The following GNAZ variants were observed in gnomAD, a reference collection of about 807,000 sequenced individuals.
GNAZ encodes the protein G protein subunit alpha z, also known as guanine nucleotide-binding protein G(z) subunit alpha.
A neutral mutation model predicts 25.4 loss-of-function variants in GNAZ; 3 were observed. That is an observed-to-expected ratio of 0.12 (90% CI 0.05 to 0.30). The LOEUF (loss-of-function observed/expected upper bound fraction) is 0.30, where lower values mean the gene tolerates loss of function less well. Ranked by LOEUF, GNAZ falls within the 10% of genes least tolerant of loss-of-function variation. The probability of loss-of-function intolerance (pLI) is 1.00; values close to 1 mark genes in which losing one functional copy is unlikely to be tolerated. For synonymous variants in GNAZ, 211 were observed against 205.7 expected, an observed-to-expected ratio of 1.03 and a Z score of -0.22; for missense variants, 241 against 501.8, an observed-to-expected ratio of 0.48 and a Z score of 4.97.
At chr22:23,106,779 A>G (rs896266453) in intron 2 of GNAZ, among the ~76,000 whole-genome samples, 29 of 152,232 alleles carry the variant, frequency 1.9e-4, no homozygotes, top group African/African-American at 6.3e-4. Flanking sequence ...GCTCCCCACC[A>G]CACAGATGAG....
chr22:23,107,798 C>T (rs142584661), intron 2 of GNAZ, among the ~76,000 whole-genome samples: 7 of 152,262 alleles, frequency 4.6e-5, no homozygotes, highest in South Asian at 2.1e-4. Flanking sequence ...AGTTCCTGAT[C>T]GTTTTAAAGC....
In GNAZ at chr22:23,071,475, C is replaced by A. The variant is rs1192330220; in HGVS notation, c.-450+905C>A. On this transcript the variant is annotated intron_variant, in intron 1 of 2. Transcript: ENST00000615612. This position sits in a 1 kb window ranked among gnomAD's most constrained non-coding sequence, Gnocchi z 4.1. Reference sequence around the variant, plus strand: ...CTTGCTTGGGGAGACAGCTGAGCCCCTGACCGGCTCCTTTCTGCCCAAGTG... The same window carrying A: ...CTTGCTTGGGGAGACAGCTGAGCCCATGACCGGCTCCTTTCTGCCCAAGTG... Among the ~76,000 whole-genome samples, 2 of 152,226 alleles carry A rather than the reference C, an allele frequency of 1.3e-5. No individual in the cohort carries two copies. The highest frequency in any genetic ancestry group is 1.3e-4 in the Admixed American group (2 of 15,288).
At position 23,095,681 on chromosome 22, in the gene GNAZ, C is replaced by T. The variant is rs770127261; in HGVS notation, c.-15C>T. Reference sequence around the variant, plus strand: ...CCATCCCGTGCTCCTTGTCTGGGCCCGCTGCTGCCAGACCATGGGATGTCG... The same window carrying T: ...CCATCCCGTGCTCCTTGTCTGGGCCTGCTGCTGCCAGACCATGGGATGTCG... On this transcript the variant is annotated 5_prime_UTR_variant, in exon 2 of 3. Transcript: ENST00000615612. 6 of 1,590,348 alleles carry T rather than the reference C, an allele frequency of 3.8e-6. No homozygotes were observed. The highest frequency in any genetic ancestry group is 2.2e-5 in the East Asian group (1 of 44,672).
intron 1 of GNAZ, among the ~76,000 whole-genome samples, chr22:23,088,804 T>C (rs1438187148): frequency 6.6e-6 from 1 of 152,004 alleles, no homozygotes; most frequent in Non-Finnish European, 1.5e-5. Context: ...GCATTAGGGG[T>C]GTGGCCTTGC....
At chr22:23,109,483 G>A (rs975532054) in intron 2 of GNAZ, among the ~76,000 whole-genome samples, 2 of 152,210 alleles carry the variant, frequency 1.3e-5, no homozygotes, top group African/African-American at 2.4e-5. Flanking sequence ...TGGGTGCTGA[G>A]CCAAGTGAGG....
rs749743140 is a variant in GNAZ at position 23,095,690 on chromosome 22, C to T, written c.-6C>T. On this transcript the variant is annotated 5_prime_UTR_variant, in exon 2 of 3. Coordinates refer to ENST00000615612, the MANE Select transcript of GNAZ (RefSeq NM_002073.4). ...GCTCCTTGTCTGGGCCCGCTGCTGC[C>T]AGACCATGGGATGTCGGCAAAGCTC... 9 of 1,598,318 alleles carry T rather than the reference C, an allele frequency of 5.6e-6. No individual in the cohort carries two copies. The highest frequency in any genetic ancestry group is 6.8e-6 in the Non-Finnish European group (8 of 1,172,554).
rs144777055 is a variant in GNAZ at position 23,088,967 on chromosome 22, G to A, written c.-449-6280G>A. On this transcript the variant is annotated intron_variant, in intron 1 of 2. Transcript: ENST00000615612. Reference sequence around the variant, plus strand: ...CCAGTCACAGTCTGGGTACAGTTCCGTCTCCTCAACAAGCCTAAACTATCT... The same window carrying A: ...CCAGTCACAGTCTGGGTACAGTTCCATCTCCTCAACAAGCCTAAACTATCT... Among the ~76,000 whole-genome samples the A allele has an allele frequency of 9.2e-5, 14 of 152,310 alleles. No homozygotes were observed. The South Asian group carries it at 2.1e-3, about 23-fold the overall frequency.
At chr22:23,097,182 A>G (rs1361046574) in intron 2 of GNAZ, among the ~76,000 whole-genome samples, 1 of 151,694 alleles carries the variant, frequency 6.6e-6, no homozygotes, top group East Asian at 1.9e-4. Flanking sequence ...GGGATGGGGG[A>G]GTGGGGGCAA....
chr22:23,101,404 G>A (rs2069300443), intron 2 of GNAZ, among the ~76,000 whole-genome samples: 1 of 152,218 alleles, frequency 6.6e-6, no homozygotes, highest in South Asian at 2.1e-4. Context: ...TGGAGCTGCT[G>A]TGTAGCCAGC....
Position 23,096,185 on chromosome 22 carries a change from G to A in GNAZ, c.490G>A (p.Ala164Thr), listed in dbSNP as rs765527032. The change falls in exon 2 of 3, where the codon GCC becomes ACC. Residue 164 changes from alanine (A) to threonine (T), a missense_variant. Coordinates refer to ENST00000615612, the MANE Select transcript of GNAZ (RefSeq NM_002073.4). ...AYYLNDLERI[A>T]AADYIPTVED... Reference sequence around the variant, plus strand: ...CTACCTGAACGACCTGGAGCGCATCGCCGCAGCTGACTATATCCCCACTGT... The same window carrying A: ...CTACCTGAACGACCTGGAGCGCATCACCGCAGCTGACTATATCCCCACTGT... 1.9e-6 allele frequency: 3 copies of A among 1,613,286 alleles called. No individual in the cohort carries two copies. The highest frequency in any genetic ancestry group is 2.5e-6 in the Non-Finnish European group (3 of 1,179,796).
At chr22:23,101,161 G>A (rs1209204173) in intron 2 of GNAZ, among the ~76,000 whole-genome samples, 1 of 152,150 alleles carries the variant, frequency 6.6e-6, no homozygotes, top group Admixed American at 6.5e-5. Flanking sequence ...ATTGAGAAGG[G>A]ACCTTATATA....
Position 23,123,468 on chromosome 22 carries a change from C to T in GNAZ, c.*37C>T, listed in dbSNP as rs1343051553. On this transcript the variant is annotated 3_prime_UTR_variant, in exon 3 of 3. Coordinates refer to ENST00000615612, the MANE Select transcript of GNAZ (RefSeq NM_002073.4). Reference sequence around the variant, plus strand: ...CGGGGCCCGCCTGCCTATGGTGAAACCCACGGGGTGTCATGCCCCAACGCG... The same window carrying T: ...CGGGGCCCGCCTGCCTATGGTGAAATCCACGGGGTGTCATGCCCCAACGCG... The T allele has an allele frequency of 8.5e-6, 12 of 1,412,948 alleles. No homozygotes were observed. Among genetic ancestry groups the T allele is most frequent in the Non-Finnish European group, 1.1e-5 (11 of 1,011,538 alleles). The allele number at this position is 1,412,948 out of a possible 1,614,324, so 87.5% of individuals were successfully genotyped here.
rs1350068679 is a variant in GNAZ at position 23,095,405 on chromosome 22, C to T, written c.-291C>T. ...CAAACACAAGCGGACGGCTTCCCAC[C>T]GTCGCCGAGGACAGGGAATGACTAC... On this transcript the variant is annotated 5_prime_UTR_variant, in exon 2 of 3. Transcript: ENST00000615612. The T allele has an allele frequency of 1.0e-5, 4 of 398,060 alleles. No homozygotes were observed. Among genetic ancestry groups the T allele is most frequent in the East Asian group, 4.5e-5 (1 of 22,120 alleles). The allele number at this position is 398,060 out of a possible 1,614,324, so 24.7% of individuals were successfully genotyped here.
chr22:23,090,891 A>G (rs1291018252), intron 1 of GNAZ, among the ~76,000 whole-genome samples: 5 of 152,196 alleles, frequency 3.3e-5, no homozygotes, highest in Admixed American at 2.0e-4. Context: ...CATCTGCCTC[A>G]TTCAGCAGCC....
intron 1 of GNAZ, among the ~76,000 whole-genome samples, chr22:23,075,089 C>G (rs1219993089): frequency 2.0e-5 from 3 of 152,302 alleles, no homozygotes; most frequent in South Asian, 2.1e-4. Flanking sequence ...GCCCAGGAAG[C>G]TGGCTGGTCA....
intron 2 of GNAZ, among the ~76,000 whole-genome samples, chr22:23,102,615 G>T (rs949510546): frequency 2.0e-5 from 3 of 152,240 alleles, no homozygotes; most frequent in Non-Finnish European, 2.9e-5. Flanking sequence ...CCCCACACCT[G>T]CTCTGCCTGC....
At chr22:23,104,870 ACAGT>A (rs1416579367) in intron 2 of GNAZ, among the ~76,000 whole-genome samples, 2 of 152,204 alleles carry the variant, frequency 1.3e-5, no homozygotes, top group African/African-American at 2.4e-5. Context: ...GATTGGAATG[ACAGT>A]CAGCTAGGGT....
intron 2 of GNAZ, among the ~76,000 whole-genome samples, chr22:23,119,679 G>A (rs2069954656): frequency 1.3e-5 from 2 of 152,230 alleles, no homozygotes; most frequent in Non-Finnish European, 2.9e-5. Flanking sequence ...CTCAGCCTGC[G>A]TCAGGGACGC....
intron 2 of GNAZ, among the ~76,000 whole-genome samples, chr22:23,105,462 G>A (rs1601810603): frequency 3.9e-5 from 6 of 152,372 alleles, no homozygotes; most frequent in African/African-American, 1.4e-4. Context: ...TGAGCCTGCT[G>A]CAGAGGGGTT....
Sources: allele counts gnomAD v4.1 joint callset (sites outside exome capture counted in the v4.1 genomes callset), GRCh38; gene constraint gnomAD v4.1.1; non-coding constraint Gnocchi (gnomAD v3.1); transcripts MANE v1.5; gene names NCBI Gene and HGNC (gene_info 2026-07-23, HGNC 2026-07-21).